GRID2: variants seen among roughly 807,000 people sequenced by gnomAD.
GRID2 encodes the protein glutamate ionotropic receptor delta type subunit 2.
In GRID2, 33 loss-of-function variants were observed where a neutral mutation model predicts 114.8. That is an observed-to-expected ratio of 0.29 (90% confidence interval 0.22 to 0.38). GRID2 has a LOEUF of 0.38. Among genes scored for constraint, GRID2 ranks in the 10% least tolerant of loss-of-function variants. The pLI is 1.00. For synonymous variants in GRID2, 505 were observed against 449.9 expected (o/e 1.12, Z -1.55); for missense variants, 1,184 against 1,257.7 (o/e 0.94, Z 0.89).
At chr4:93,536,990 T>A (rs2149521894) in intron 13 of GRID2, among the ~76,000 whole-genome samples, 1 of 151,814 alleles carries the variant, frequency 6.6e-6, no homozygotes, top group African/African-American at 2.4e-5. Flanking sequence ...TGCATTTTTT[T>A]AATTAGACTT....
At chr4:92,757,670 C>T (rs769586045) in intron 2 of GRID2, among the ~76,000 whole-genome samples, 5 of 151,842 alleles carry the variant, frequency 3.3e-5, no homozygotes, top group Non-Finnish European at 5.9e-5. Context: ...AAATTCAGCT[C>T]AAGAGCCACT....
At chr4:93,744,165 A>G (rs1030553394) in intron 14 of GRID2, among the ~76,000 whole-genome samples, 7 of 152,226 alleles carry the variant, frequency 4.6e-5, no homozygotes, top group Non-Finnish European at 1.0e-4. Flanking sequence ...CTGGTCACCC[A>G]CGAACTCTAA....
chr4:93,494,514 C>G lies in GRID2; in HGVS notation c.1997+3737C>G, dbSNP rs539331281. On this transcript the variant is annotated intron_variant, in intron 12 of 15. Coordinates refer to ENST00000282020, the MANE Select transcript of GRID2 (RefSeq NM_001510.4). ...TTACCTTGTTTTTAAAATTAGATAT[C>G]TATGGGCATCTAATCTAACTGGCAC... Among the ~76,000 whole-genome samples the G allele has an allele frequency of 9.9e-5, 15 of 151,914 alleles. No homozygotes were observed. The South Asian group carries it at 1.5e-3, about 15-fold the overall frequency.
At chr4:93,299,210 T>C (rs1212599896) in intron 8 of GRID2, among the ~76,000 whole-genome samples, 1 of 152,138 alleles carries the variant, frequency 6.6e-6, no homozygotes, top group Non-Finnish European at 1.5e-5. Context: ...TCTCAGGCAC[T>C]CGTAGCCCAC....
intron 8 of GRID2, among the ~76,000 whole-genome samples, chr4:93,311,468 T>C (rs1756004110): frequency 6.6e-6 from 1 of 152,170 alleles, no homozygotes; most frequent in East Asian, 1.9e-4. Flanking sequence ...TACGCCTGAG[T>C]TGCTTTAAGA....
chr4:93,081,647 G>A (rs1184938551), intron 2 of GRID2, among the ~76,000 whole-genome samples: 1 of 152,112 alleles, frequency 6.6e-6, no homozygotes, highest in African/African-American at 2.4e-5. Context: ...AGATGTTTAC[G>A]TATATGTGCA....
rs891024710 is a variant in GRID2, at chr4:93,494,385, G to C, written c.1997+3608G>C. On this transcript the variant is annotated intron_variant, in intron 12 of 15. Transcript: ENST00000282020. ...TGAAGGGGAGAGAGAGAGAGAGGGAGAGAAATCAGCTTCTTTGAATTGATG... is the reference window on the plus strand; with the variant it reads ...TGAAGGGGAGAGAGAGAGAGAGGGACAGAAATCAGCTTCTTTGAATTGATG... Among the ~76,000 whole-genome samples the C allele has an allele frequency of 4.6e-5, 7 of 151,848 alleles. No individual in the cohort carries two copies. In the South Asian group the frequency reaches 6.2e-4, roughly 14 times the overall value.
At chr4:93,624,093 T>A (rs772015697) in intron 13 of GRID2, among the ~76,000 whole-genome samples, 1 of 152,180 alleles carries the variant, frequency 6.6e-6, no homozygotes, top group Non-Finnish European at 1.5e-5. Flanking sequence ...TTTCTCTCTA[T>A]GTATTTATAT....
At chr4:92,846,503 A>G (rs551838053) in intron 2 of GRID2, among the ~76,000 whole-genome samples, 4 of 152,194 alleles carry the variant, frequency 2.6e-5, no homozygotes, top group Admixed American at 2.6e-4. Flanking sequence ...ATAATTTTTT[A>G]TAGCTATGTA....
chr4:92,566,674 G>A (rs752019332), intron 1 of GRID2, among the ~76,000 whole-genome samples: 5 of 151,952 alleles, frequency 3.3e-5, no homozygotes, highest in Non-Finnish European at 7.4e-5. Context: ...CTATGTAAAG[G>A]GATAGCACAG....
At chr4:92,779,210 A>G (rs10440371) in intron 2 of GRID2, among the ~76,000 whole-genome samples, 83,128 of 147,784 alleles carry the variant, frequency 0.56, 24,350 homozygotes, top group Middle Eastern at 0.73. Flanking sequence ...GTGTGTGTGT[A>G]TGTGTGTGTG....
At chr4:92,972,121 ACTGTTCTC>A (rs1471257607) in intron 2 of GRID2, among the ~76,000 whole-genome samples, 3 of 151,206 alleles carry the variant, frequency 2.0e-5, no homozygotes, top group African/African-American at 7.3e-5. Flanking sequence ...AAACTTCCAT[ACTGTTCTC>A]CATAGCAGCT....
intron 8 of GRID2, among the ~76,000 whole-genome samples, chr4:93,368,439 C>T (rs547277284): frequency 6.6e-6 from 1 of 151,802 alleles, no homozygotes; most frequent in East Asian, 1.9e-4. Context: ...TTTTAGGGTA[C>T]ATGTGCACAA....
At chr4:92,459,806 C>T (rs1424414783) in intron 1 of GRID2, among the ~76,000 whole-genome samples, 1 of 151,418 alleles carries the variant, frequency 6.6e-6, no homozygotes, top group Admixed American at 6.6e-5. Flanking sequence ...AGTAGACTTA[C>T]AGTAAAGCAG....
chr4:92,962,449 A>G (rs1578615064), intron 2 of GRID2, among the ~76,000 whole-genome samples: 1 of 151,894 alleles, frequency 6.6e-6, no homozygotes, highest in Admixed American at 6.6e-5. Context: ...GATAGCTAGA[A>G]TGGGCTGACG....
chr4:92,889,691 C>T (rs1578396588), intron 2 of GRID2, among the ~76,000 whole-genome samples: 1 of 152,100 alleles, frequency 6.6e-6, no homozygotes, highest in South Asian at 2.1e-4. Context: ...GCCATACTGC[C>T]CAAAGTAATT....
chr4:92,478,301 T>G (rs912302911), intron 1 of GRID2, among the ~76,000 whole-genome samples: 1 of 152,134 alleles, frequency 6.6e-6, no homozygotes, highest in East Asian at 1.9e-4. Context: ...TTGGAAGTAG[T>G]CAGTGGCTTT....
At chr4:93,536,956 C>T (rs546436171) in intron 13 of GRID2, among the ~76,000 whole-genome samples, 3 of 151,624 alleles carry the variant, frequency 2.0e-5, no homozygotes, top group Non-Finnish European at 4.4e-5. Context: ...TGACATACCT[C>T]GCATTGTTAA....
At chr4:93,725,429 T>A (rs1366211054) in intron 14 of GRID2, among the ~76,000 whole-genome samples, 2 of 152,198 alleles carry the variant, frequency 1.3e-5, no homozygotes, top group Non-Finnish European at 2.9e-5. Flanking sequence ...TTGTGAACAG[T>A]GCCGCAATAA....
Sources: allele counts gnomAD v4.1 joint callset (sites outside exome capture counted in the v4.1 genomes callset), GRCh38; gene constraint gnomAD v4.1.1; transcripts MANE v1.5; gene names NCBI Gene and HGNC (gene_info 2026-07-23, HGNC 2026-07-21).